Variants in ATRNL1 observed in about 807,000 individuals in gnomAD.
ATRNL1 encodes attractin like 1.
A neutral mutation model predicts 182.7 loss-of-function variants in ATRNL1; 95 were observed. The observed-to-expected ratio is 0.52, with a 90% CI of 0.44 to 0.62. The LOEUF is 0.62. ATRNL1 is among the 20% of genes least tolerant of loss of function. ATRNL1 has a pLI of 0.00. For synonymous variants in ATRNL1, 576 were observed against 568.3 expected, an observed-to-expected ratio of 1.01 and a Z score of -0.19; for missense variants, 1,471 against 1,679.5, an observed-to-expected ratio of 0.88 and a Z score of 2.17.
At chr10:115,389,466 T>C (rs527236792) in intron 19 of ATRNL1, among the ~76,000 whole-genome samples, 1 of 141,646 alleles carries the variant, frequency 7.1e-6, no homozygotes, top group South Asian at 2.3e-4. Context: ...TGAGCCAAGA[T>C]TGCGCCATTG....
At chr10:115,417,364 G>T (rs545224903) in intron 20 of ATRNL1, among the ~76,000 whole-genome samples, 4 of 152,190 alleles carry the variant, frequency 2.6e-5, no homozygotes, top group Non-Finnish European at 4.4e-5. Context: ...CCCAGAGGGA[G>T]ACTTGCCCAT....
intron 13 of ATRNL1, among the ~76,000 whole-genome samples, chr10:115,278,661 A>G (rs1554915682): frequency 6.6e-6 from 1 of 152,224 alleles, no homozygotes; most frequent in East Asian, 1.9e-4. Flanking sequence ...TACATACTAT[A>G]TCAGGCCAAA....
intron 9 of ATRNL1, among the ~76,000 whole-genome samples, chr10:115,218,011 A>G (rs1849297024): frequency 6.6e-6 from 1 of 152,074 alleles, no homozygotes; most frequent in Non-Finnish European, 1.5e-5. Context: ...CAGTTTTTCC[A>G]TGGACCCAGG....
At chr10:115,430,804 G>T (rs1846123328) in intron 21 of ATRNL1, among the ~76,000 whole-genome samples, 1 of 152,104 alleles carries the variant, frequency 6.6e-6, no homozygotes, top group Non-Finnish European at 1.5e-5. Context: ...TCACAACAGG[G>T]GAGTGGGACG....
chr10:115,446,764 G>GTGAGAAA, intron 21 of ATRNL1, among the ~76,000 whole-genome samples: 1 of 151,984 alleles, frequency 6.6e-6, no homozygotes, highest in Non-Finnish European at 1.5e-5. Context: ...AAAGTGAGAA[G>GTGAGAAA]TGTAAATAAG....
chr10:115,413,790 C>G (rs1845255385), intron 20 of ATRNL1, among the ~76,000 whole-genome samples: 1 of 151,962 alleles, frequency 6.6e-6, no homozygotes, highest in Non-Finnish European at 1.5e-5. Context: ...GCTCTAGTTC[C>G]TTGTAATGGA....
chr10:115,460,740 A>C (rs1554969559), intron 21 of ATRNL1, among the ~76,000 whole-genome samples: 1 of 152,084 alleles, frequency 6.6e-6, no homozygotes, highest in African/African-American at 2.4e-5. Context: ...GCATACTCCT[A>C]CCTAACAGTA....
At chr10:115,098,453 CTTTTTTTTTTTTTTTT>C (rs71010006) in intron 1 of ATRNL1, among the ~76,000 whole-genome samples, 2 of 80,754 alleles carry the variant, frequency 2.5e-5, no homozygotes, top group African/African-American at 6.2e-5. Flanking sequence ...ATACTAGTTT[CTTTTTTTTTTTTTTTT>C]TTTTTTTTTT....
intron 17 of ATRNL1, among the ~76,000 whole-genome samples, chr10:115,311,533 A>G (rs904850102): frequency 1.5e-4 from 22 of 150,232 alleles, no homozygotes; most frequent in Non-Finnish European, 2.7e-4. Flanking sequence ...GTGGCCTGTC[A>G]TATGGTCTAT....
At chr10:115,831,692 G>A (rs1167191210) in intron 27 of ATRNL1, among the ~76,000 whole-genome samples, 2 of 151,454 alleles carry the variant, frequency 1.3e-5, no homozygotes, top group African/African-American at 2.4e-5. Context: ...CAGAACCTTA[G>A]TTTTGTCATT....
intron 26 of ATRNL1, among the ~76,000 whole-genome samples, chr10:115,714,006 T>G (rs1947170521): frequency 2.6e-5 from 4 of 152,332 alleles, no homozygotes; most frequent in African/African-American, 9.6e-5. Context: ...TTTTTCCATG[T>G]GATTAAGTCA....
chr10:115,433,309 T>C (rs547218753), intron 21 of ATRNL1, among the ~76,000 whole-genome samples: 1 of 152,254 alleles, frequency 6.6e-6, no homozygotes, highest in South Asian at 2.1e-4. Context: ...CCCTTATATT[T>C]AATGGAATTA....
intron 27 of ATRNL1, among the ~76,000 whole-genome samples, chr10:115,727,826 A>C (rs553075527): frequency 1.3e-5 from 2 of 152,144 alleles, no homozygotes; most frequent in African/African-American, 2.4e-5. Context: ...TAAAATGAAT[A>C]TTTTTATTTG....
intron 16 of ATRNL1, among the ~76,000 whole-genome samples, chr10:115,301,328 G>T (rs1039659990): frequency 6.6e-6 from 1 of 152,036 alleles, no homozygotes; most frequent in Non-Finnish European, 1.5e-5. Context: ...AGTGCACAAA[G>T]GTTTCAATTT....
intron 8 of ATRNL1, among the ~76,000 whole-genome samples, chr10:115,204,732 T>C (rs1848731734): frequency 6.6e-6 from 1 of 152,160 alleles, no homozygotes; most frequent in Admixed American, 6.6e-5. Context: ...ATCAGGAATA[T>C]TGGCTTTTAT....
At chr10:115,854,052 C>T (rs1471608013) in intron 28 of ATRNL1, among the ~76,000 whole-genome samples, 2 of 152,036 alleles carry the variant, frequency 1.3e-5, no homozygotes, top group Non-Finnish European at 2.9e-5. Flanking sequence ...GTGAACCAAA[C>T]AGTGTTCCTG....
chr10:115,503,231 T>A (rs1554980488), intron 24 of ATRNL1, among the ~76,000 whole-genome samples: 1 of 152,138 alleles, frequency 6.6e-6, no homozygotes, highest in African/African-American at 2.4e-5. Flanking sequence ...AACTTAATAA[T>A]AATGGCATAG....
At chr10:115,909,250 A>C (rs1213813620) in intron 28 of ATRNL1, 1 of 152,058 alleles carries the variant, frequency 6.6e-6, no homozygotes, top group African/African-American at 2.4e-5. Flanking sequence ...GCCACTTAGC[A>C]GCTGTGATAT....
intron 19 of ATRNL1, among the ~76,000 whole-genome samples, chr10:115,357,551 ATTAT>A (rs1554943156): frequency 6.6e-6 from 1 of 151,708 alleles, no homozygotes; most frequent in Non-Finnish European, 1.5e-5. Context: ...TCCTTAATAT[ATTAT>A]TTAGGAAGAA....
Sources: allele counts gnomAD v4.1 joint callset (sites outside exome capture counted in the v4.1 genomes callset), GRCh38; gene constraint gnomAD v4.1.1; transcripts MANE v1.5; gene names NCBI Gene and HGNC (gene_info 2026-07-23, HGNC 2026-07-21).